Variants in RNF138 observed in about 807,000 individuals in gnomAD.
RNF138 encodes E3 ubiquitin-protein ligase RNF138.
RNF138 carries 12 observed loss-of-function variants against 31.0 expected under a neutral mutation model. The observed-to-expected ratio is 0.39, with a 90% confidence interval of 0.25 to 0.63. The LOEUF (loss-of-function observed/expected upper bound fraction) is 0.63, where lower values mean the gene tolerates loss of function less well. Ranked by LOEUF, RNF138 falls within the 20% of genes least tolerant of loss-of-function variation. RNF138 has a pLI of 0.52. For synonymous variants in RNF138, 105 were observed against 99.5 expected (o/e 1.06, Z -0.33); for missense variants, 192 against 300.1 (o/e 0.64, Z 2.66).
chr18:32,097,878 ATATATGTGTATG>A (rs1457848928), intron 2 of RNF138, among the ~76,000 whole-genome samples: 4 of 151,784 alleles, frequency 2.6e-5, no homozygotes, highest in East Asian at 1.9e-4. Context: ...ATATATATGT[ATATATGTGTATG>A]TATATGTGTA....
Position 32,111,736 on chromosome 18 carries a change from T to C in RNF138, c.111-18T>C, listed in dbSNP as rs200452567. On this transcript the variant is annotated intron_variant, in intron 2 of 7. Transcript: ENST00000261593. ...AGTAATTTTTTTTGTAATTAATGTG[T>C]CACAATGTTTGGTTTAGTTTCTGTA... 183 of 1,602,206 alleles carry C rather than the reference T, an allele frequency of 1.1e-4. 1 individual carries two copies. The East Asian group carries it at 3.8e-3, about 33-fold the overall frequency.
intron 2 of RNF138, among the ~76,000 whole-genome samples, chr18:32,102,293 C>T (rs780340512): frequency 4.0e-5 from 6 of 150,212 alleles, no homozygotes; most frequent in Non-Finnish European, 3.0e-5. Context: ...GCTCCACCTC[C>T]CAGGTTCACA....
chr18:32,110,459 T>G (rs566498741), intron 2 of RNF138, among the ~76,000 whole-genome samples: 1 of 152,340 alleles, frequency 6.6e-6, no homozygotes, highest in East Asian at 1.9e-4. Context: ...TTGTAGATAC[T>G]TTTATTATTT....
At chr18:32,095,668 A>G (rs2039791488) in intron 2 of RNF138, among the ~76,000 whole-genome samples, 1 of 152,216 alleles carries the variant, frequency 6.6e-6, no homozygotes, top group Non-Finnish European at 1.5e-5. Context: ...TTTCAATGAC[A>G]GGAAAGGATT....
intron 2 of RNF138, among the ~76,000 whole-genome samples, chr18:32,108,112 C>T (rs1436113321): frequency 1.3e-5 from 2 of 152,156 alleles, no homozygotes; most frequent in Non-Finnish European, 2.9e-5. Flanking sequence ...GCCTCGGCTC[C>T]TCAAGGTGCT....
At chr18:32,120,208 A>G (rs962538580) in intron 4 of RNF138, among the ~76,000 whole-genome samples, 1 of 152,172 alleles carries the variant, frequency 6.6e-6, no homozygotes, top group Non-Finnish European at 1.5e-5. Context: ...TTAGTTTTAC[A>G]GTTTATCTGC....
chr18:32,122,072 T>G (rs2144278466), intron 4 of RNF138, among the ~76,000 whole-genome samples: 1 of 152,260 alleles, frequency 6.6e-6, no homozygotes, highest in African/African-American at 2.4e-5. Context: ...TTTCACCATG[T>G]TGGCTAGGCT....
intron 2 of RNF138, among the ~76,000 whole-genome samples, chr18:32,097,954 G>GTC (rs2039843075): frequency 1.2e-5 from 1 of 81,292 alleles, no homozygotes; most frequent in Non-Finnish European, 2.5e-5. Flanking sequence ...ATGTGTGTGT[G>GTC]TGTGTGTGTG....
chr18:32,119,204 T>C (rs1475526175), intron 4 of RNF138, among the ~76,000 whole-genome samples: 1 of 152,152 alleles, frequency 6.6e-6, no homozygotes, highest in Non-Finnish European at 1.5e-5. Flanking sequence ...TGATTTTTTC[T>C]GGGGGAGGGG....
chr18:32,102,521 T>C (rs2039961905), intron 2 of RNF138, among the ~76,000 whole-genome samples: 1 of 151,340 alleles, frequency 6.6e-6, no homozygotes, highest in South Asian at 2.1e-4. Context: ...GTTTCTTATA[T>C]GAATGTTTTT....
intron 2 of RNF138, among the ~76,000 whole-genome samples, chr18:32,102,593 G>T (rs2039962579): frequency 1.3e-5 from 2 of 151,740 alleles, no homozygotes; most frequent in South Asian, 2.1e-4. Flanking sequence ...TGTACAGTTT[G>T]TCACCTGATT....
chr18:32,104,251 G>T (rs1161978648), intron 2 of RNF138, among the ~76,000 whole-genome samples: 1 of 151,712 alleles, frequency 6.6e-6, no homozygotes, highest in African/African-American at 2.4e-5. Flanking sequence ...GAGGTCAAAT[G>T]ATCCCCCCAC....
chr18:32,127,635 G>A (rs748861335), intron 7 of RNF138, among the ~76,000 whole-genome samples: 7 of 152,032 alleles, frequency 4.6e-5, no homozygotes, highest in Admixed American at 2.0e-4. Context: ...ATTTAGGTGC[G>A]CTTTATTGCT....
At chr18:32,098,914 A>ATTT (rs58298513) in intron 2 of RNF138, among the ~76,000 whole-genome samples, 3 of 141,192 alleles carry the variant, frequency 2.1e-5, no homozygotes, top group African/African-American at 7.7e-5. Context: ...ACAACCTTTG[A>ATTT]TTTTTTTTTT....
At position 32,123,537 on chromosome 18, in the gene RNF138, A is replaced by G. The variant is rs1294294734; in HGVS notation, c.412A>G (p.Thr138Ala). The change falls in exon 5 of 8, where the codon ACA becomes GCA. Residue 138 changes from threonine (T) to alanine (A), a missense_variant. Thr to Ala is a moderately conservative substitution (Grantham distance 58). Coordinates refer to ENST00000261593, the MANE Select transcript of RNF138 (RefSeq NM_016271.5). ...CTTAAGCAATAGGAGTGAAACATCC[A>G]CATCTGATAACACAGAAACTTACCA... ...VGNSNRSETSTSDNTETYQEN... is the reference protein window; with the variant it reads ...VGNSNRSETSASDNTETYQEN... 1.3e-6 allele frequency: 2 copies of G among 1,591,192 alleles called. No homozygotes were observed. Among genetic ancestry groups the G allele is most frequent in the South Asian group, 2.3e-5 (2 of 86,840 alleles).
chr18:32,113,952 T>C, intron 4 of RNF138, 92 bp downstream of exon 4: 2 of 647,016 alleles, frequency 3.1e-6, no homozygotes, highest in Non-Finnish European at 5.4e-6. Context: ...GGGGGATGTG[T>C]GTGTGTGTAT....
In RNF138 at chr18:32,129,207, A is replaced by C; in HGVS notation, c.*20A>C. 6.3e-7 allele frequency: 1 copy of C among 1,577,148 alleles called. No homozygotes were observed. Among genetic ancestry groups the C allele is most frequent in the South Asian group, 1.1e-5 (1 of 90,264 alleles). On this transcript the variant is annotated 3_prime_UTR_variant, in exon 8 of 8. Transcript: ENST00000261593. ...ATCTGAAGGCTGTAGACATCTCTGC[A>C]TCTTTGTACCTGCAAGTGCCATCTT...
At chr18:32,116,586 C>G (rs776458342) in intron 4 of RNF138, among the ~76,000 whole-genome samples, 29 of 148,822 alleles carry the variant, frequency 1.9e-4, no homozygotes, top group Non-Finnish European at 4.0e-4. Flanking sequence ...GGGTCTTGCT[C>G]TGTCATCCAG....
In RNF138 at chr18:32,129,158, G is replaced by A; in HGVS notation, c.709G>A (p.Val237Ile). The change falls in exon 8 of 8, where the codon GTT becomes ATT. Residue 237 changes from valine (V) to isoleucine (I), a missense_variant. Coordinates refer to ENST00000261593, the MANE Select transcript of RNF138 (RefSeq NM_016271.5). ...TGAAGAAACCCAATACCAAACTGCT[G>A]TTGAAGAATCTTTTCAAGTAAACAT... ...LDEETQYQTAVEESFQVNI is the reference protein window; with the variant it reads ...LDEETQYQTAIEESFQVNI 1.2e-5 allele frequency: 19 copies of A among 1,612,624 alleles called. No homozygotes were observed. The highest frequency in any genetic ancestry group is 1.6e-5 in the Non-Finnish European group (19 of 1,179,092).
Sources: allele counts gnomAD v4.1 joint callset (sites outside exome capture counted in the v4.1 genomes callset), GRCh38; gene constraint gnomAD v4.1.1; transcripts MANE v1.5; gene names NCBI Gene and HGNC (gene_info 2026-07-23, HGNC 2026-07-21).